The following MTG1 variants were observed in gnomAD, a reference collection of about 807,000 sequenced individuals.
The protein encoded by MTG1 is mitochondrial ribosome associated GTPase 1, also known as mitochondrial ribosome-associated GTPase 1.
In MTG1, 30 loss-of-function variants were observed where a neutral mutation model predicts 39.5. That is an observed-to-expected ratio of 0.76 (90% CI 0.57 to 1.03). MTG1 has a LOEUF of 1.03. Ranked by LOEUF, MTG1 falls within the 50% of genes least tolerant of loss-of-function variation. The pLI, the probability that MTG1 is intolerant of heterozygous loss-of-function variation, is 0.00. For missense variants in MTG1, 513 were observed against 447.4 expected (o/e 1.15, Z -1.32); for synonymous variants, 217 against 179.0 (o/e 1.21, Z -1.69).
chr10:133,396,927 C>T (rs1175551004), intron 3 of MTG1, among the ~76,000 whole-genome samples: 1 of 152,110 alleles, frequency 6.6e-6, no homozygotes, highest in Admixed American at 6.5e-5. Flanking sequence ...GCGGTAGCGT[C>T]AGTGTCAAGG....
chr10:133,413,789 C>T (rs191265685), intron 9 of MTG1, among the ~76,000 whole-genome samples: 6 of 152,210 alleles, frequency 3.9e-5, no homozygotes, highest in Middle Eastern at 3.4e-3. Context: ...TATTTTATAA[C>T]CTCCAGATAT....
At chr10:133,403,655 A>C (rs1439129468) in intron 9 of MTG1, among the ~76,000 whole-genome samples, 1 of 152,192 alleles carries the variant, frequency 6.6e-6, no homozygotes, top group Non-Finnish European at 1.5e-5. Context: ...GGTGCGCTGC[A>C]GTCTGTCCCT....
chr10:133,406,698 C>G (rs573433524), intron 9 of MTG1, among the ~76,000 whole-genome samples: 4 of 131,656 alleles, frequency 3.0e-5, no homozygotes, highest in African/African-American at 1.1e-4. Flanking sequence ...AGGAGTCTCA[C>G]TGTGTCACCC....
intron 9 of MTG1, among the ~76,000 whole-genome samples, chr10:133,405,771 A>G (rs547504902): frequency 6.6e-6 from 1 of 152,312 alleles, no homozygotes; most frequent in Non-Finnish European, 1.5e-5. Context: ...TATCTTGGCT[A>G]TTGTGAGTAG....
intron 9 of MTG1, among the ~76,000 whole-genome samples, chr10:133,407,349 A>ACG (rs980434774): frequency 1.3e-5 from 2 of 152,146 alleles, no homozygotes; most frequent in African/African-American, 4.8e-5. Flanking sequence ...TATTTTGATA[A>ACG]CGATTGCATT....
chr10:133,418,097 G>T (rs189342412), intron 9 of MTG1, among the ~76,000 whole-genome samples: 1 of 152,252 alleles, frequency 6.6e-6, no homozygotes, highest in Non-Finnish European at 1.5e-5. Flanking sequence ...TCCACCTCCT[G>T]GGTTCAAGCG....
At position 133,402,119 on chromosome 10, in the gene MTG1, G is replaced by A. The variant is rs536918344; in HGVS notation, c.574-30G>A. 3.9e-5 allele frequency: 63 copies of A among 1,613,386 alleles called. No individual in the cohort carries two copies. The highest frequency in any genetic ancestry group is 5.3e-5 in the African/African-American group (4 of 75,026). ...CACCTGGGTGGGAGGCTGCCACCGC[G>A]GCCTGATCATGCCCTCTGTGCCCAC... On this transcript the variant is annotated intron_variant, in intron 7 of 10. Coordinates refer to ENST00000317502, the MANE Select transcript of MTG1 (RefSeq NM_138384.4). This position sits in a 1 kb window ranked among gnomAD's most constrained non-coding sequence, Gnocchi z 4.7.
intron 9 of MTG1, among the ~76,000 whole-genome samples, chr10:133,419,033 T>G (rs965079376): frequency 1.3e-5 from 2 of 152,200 alleles, no homozygotes; most frequent in African/African-American, 4.8e-5. Flanking sequence ...ACTGGCTGCC[T>G]GGAAGTTACC....
intron 4 of MTG1, 87 bp from the exon 5 acceptor site, chr10:133,399,083 C>A: frequency 7.0e-7 from 1 of 1,431,124 alleles, no homozygotes; most frequent in Non-Finnish European, 9.9e-7. Flanking sequence ...ACTGGAATCC[C>A]TAATCCTGTT....
rs35859911 is a variant in MTG1, at chr10:133,397,779, G to GTTTTTTTTTTTTTTTTTTTT, written c.283-640_283-639insTTTTTTTTTTTTTTTTTTTT. ...AGGCGTGAGTCACTGCGTCCAGCCTGTTTTTTTTTTTTTTTTAAATCATCG... is the reference window on the plus strand; with the variant it reads ...AGGCGTGAGTCACTGCGTCCAGCCTGTTTTTTTTTTTTTTTTTTTTTTTTTTTTTTTTTTTTAAATCATCG... On this transcript the variant is annotated intron_variant, in intron 3 of 10. Transcript: ENST00000317502. 1.4e-3 allele frequency among the ~76,000 whole-genome samples: 193 copies of GTTTTTTTTTTTTTTTTTTTT among 139,346 alleles called. 5 individuals are homozygous for GTTTTTTTTTTTTTTTTTTTT. The South Asian group carries it at 0.016, about 11-fold the overall frequency. The allele number at this position is 139,346 out of a possible 152,430, so 91.4% of individuals were successfully genotyped here. A position where few individuals can be genotyped will look rare whatever the true frequency, so the allele number is the denominator to read the frequency against.
At position 133,401,413 on chromosome 10, in the gene MTG1, TTACA is replaced by T. The variant is rs933549792; in HGVS notation, c.512-113_512-110del. 3.7e-5 allele frequency: 31 copies of T among 836,646 alleles called. 1 individual carries two copies. The African/African-American group carries it at 5.0e-4, about 13-fold the overall frequency. 51.8% of individuals were successfully genotyped at this position (836,646 alleles called of 1,614,324 possible). Reference sequence around the variant, plus strand: ...CTGCTTGGCTGGTAAGTTGTGTTTGTTACATAGTCTCCCTGCTTGGCTGGTCAGA... The same window carrying T: ...CTGCTTGGCTGGTAAGTTGTGTTTGTTAGTCTCCCTGCTTGGCTGGTCAGA... On this transcript the variant is annotated intron_variant, in intron 6 of 10. Coordinates refer to ENST00000317502, the MANE Select transcript of MTG1 (RefSeq NM_138384.4).
chr10:133,419,534 G>A lies in MTG1; in HGVS notation c.807G>A (p.Leu269=). Residue 269 remains leucine (L), a synonymous_variant, in exon 10 of 11, where the codon CTG becomes CTA. Coordinates refer to ENST00000317502, the MANE Select transcript of MTG1 (RefSeq NM_138384.4). The part of the protein sequence containing the change: ...GSACDNVERV[L]KSVAVKLGKT... ...CCTGTGACAACGTAGAGCGCGTGCT[G>A]AAGAGTGTGGCTGTGAAGCTGGGGA... 2 of 1,610,550 alleles carry A rather than the reference G, an allele frequency of 1.2e-6. No homozygotes were observed. Among genetic ancestry groups the A allele is most frequent in the Non-Finnish European group, 1.7e-6 (2 of 1,178,688 alleles).
intron 9 of MTG1, among the ~76,000 whole-genome samples, chr10:133,415,200 G>A (rs1850106300): frequency 6.6e-6 from 1 of 151,000 alleles, no homozygotes; most frequent in African/African-American, 2.4e-5. Context: ...AGGGAGCGGA[G>A]CGGGAGCGGG....
At chr10:133,415,154 T>C (rs925821158) in intron 9 of MTG1, among the ~76,000 whole-genome samples, 3 of 150,914 alleles carry the variant, frequency 2.0e-5, no homozygotes, top group African/African-American at 7.3e-5. Context: ...AGGGAGACCG[T>C]GGAAAGAGAG....
chr10:133,419,440 G>A, intron 9 of MTG1, 40 bp from the exon 10 acceptor site: 1 of 1,541,050 alleles, frequency 6.5e-7, no homozygotes, highest in Non-Finnish European at 8.8e-7. Context: ...CGCGGTGTCA[G>A]TGCTGGGCCC....
chr10:133,401,978 T>A, intron 7 of MTG1, 171 bp from the exon 8 acceptor site: 1 of 676,454 alleles, frequency 1.5e-6, no homozygotes. Flanking sequence ...AAGTGGGAAT[T>A]AGATCCTCTG....
rs548699890 is a variant in MTG1, at chr10:133,420,516, G to C, written c.*351G>C. The C allele has an allele frequency of 4.3e-6, 1 of 233,588 alleles. No homozygotes were observed. The highest frequency in any genetic ancestry group is 1.6e-4 in the South Asian group (1 of 6,086). 14.5% of individuals were successfully genotyped at this position (233,588 alleles called of 1,614,324 possible). On this transcript the variant is annotated 3_prime_UTR_variant, in exon 11 of 11. Coordinates refer to ENST00000317502, the MANE Select transcript of MTG1 (RefSeq NM_138384.4). Reference sequence around the variant, plus strand: ...CAGTTAAAGGGCCTGTTTCTTACTGGCCTGTGAGGTGCACCGTAGTGCCTT... The same window carrying C: ...CAGTTAAAGGGCCTGTTTCTTACTGCCCTGTGAGGTGCACCGTAGTGCCTT...
At chr10:133,416,811 C>T (rs577752600) in intron 9 of MTG1, among the ~76,000 whole-genome samples, 1,582 of 149,484 alleles carry the variant, frequency 0.011, 21 homozygotes, top group African/African-American at 0.036. Flanking sequence ...TATTGTTGGA[C>T]ATTTGGGTTG....
At chr10:133,401,337 A>C in intron 6 of MTG1, 192 bp from the exon 7 acceptor site, 1 of 506,922 alleles carries the variant, frequency 2.0e-6, no homozygotes, top group Non-Finnish European at 3.4e-6. Flanking sequence ...TGGGAAGCTC[A>C]TCTGGCTTTT....
Sources: allele counts gnomAD v4.1 joint callset (sites outside exome capture counted in the v4.1 genomes callset), GRCh38; gene constraint gnomAD v4.1.1; non-coding constraint Gnocchi (gnomAD v3.1); transcripts MANE v1.5; gene names NCBI Gene and HGNC (gene_info 2026-07-23, HGNC 2026-07-21).